CLEC16A: variants seen among roughly 807,000 people sequenced by gnomAD.
CLEC16A encodes protein CLEC16A.
Under a neutral mutation model 109.5 loss-of-function variants are expected in CLEC16A, and 51 were observed. That is an observed-to-expected ratio of 0.47 (90% CI 0.37 to 0.59). The LOEUF is 0.59. CLEC16A is among the 20% of genes least tolerant of loss of function. The pLI is 0.00. For missense variants in CLEC16A, 1,339 were observed against 1,394.0 expected, an observed-to-expected ratio of 0.96 and a Z score of 0.63; for synonymous variants, 673 against 564.2, an observed-to-expected ratio of 1.19 and a Z score of -2.73.
At chr16:11,168,831 G>T (rs2068382587) in intron 23 of CLEC16A, among the ~76,000 whole-genome samples, 1 of 152,278 alleles carries the variant, frequency 6.6e-6, no homozygotes, top group South Asian at 2.1e-4. Flanking sequence ...AGACAGCTTT[G>T]TTGGGATAGG....
intron 19 of CLEC16A, among the ~76,000 whole-genome samples, chr16:11,116,528 A>G (rs974753108): frequency 3.3e-5 from 5 of 152,182 alleles, no homozygotes; most frequent in Non-Finnish European, 5.9e-5. Context: ...GCCTGTAAAG[A>G]CCGAGAGGAC....
At chr16:10,969,419 GCT>G (rs2042672357) in intron 4 of CLEC16A, 110 bp downstream of exon 4, 1 of 683,570 alleles carries the variant, frequency 1.5e-6, no homozygotes, top group Non-Finnish European at 2.3e-6. Flanking sequence ...TGTTTACAAA[GCT>G]CTTATATGCT....
intron 22 of CLEC16A, among the ~76,000 whole-genome samples, chr16:11,133,331 T>G (rs943096209): frequency 6.6e-6 from 1 of 150,740 alleles, no homozygotes; most frequent in Non-Finnish European, 1.5e-5. Context: ...AGAGTGAGAC[T>G]CTGTCTCAAA....
At chr16:11,056,215 G>A (rs1004504600) in intron 18 of CLEC16A, among the ~76,000 whole-genome samples, 6 of 152,148 alleles carry the variant, frequency 3.9e-5, no homozygotes, top group Non-Finnish European at 2.9e-5. Context: ...CCAACCACGG[G>A]TCAAATCCCA....
In CLEC16A at chr16:11,026,885, T is replaced by A. The variant is rs981030727; in HGVS notation, c.1537+1964T>A. The A allele has an allele frequency of 5.7e-6, 4 of 701,742 alleles. No individual in the cohort carries two copies. The African/African-American group carries it at 7.1e-5, about 12-fold the overall frequency. 43.5% of individuals were successfully genotyped at this position (701,742 alleles called of 1,614,324 possible). A position where few individuals can be genotyped will look rare whatever the true frequency, so the allele number is the denominator to read the frequency against. On this transcript the variant is annotated intron_variant, in intron 13 of 23. Coordinates refer to ENST00000409790, the MANE Select transcript of CLEC16A (RefSeq NM_015226.3). ...TGGGGGTTAGCAGGACCTCAATGGC[T>A]CACTATGGCTAAGTGAACGCTGACT...
intron 19 of CLEC16A, among the ~76,000 whole-genome samples, chr16:11,119,265 A>G (rs2052227225): frequency 6.6e-6 from 1 of 152,202 alleles, no homozygotes; most frequent in South Asian, 2.1e-4. Flanking sequence ...GGCCTCCCAG[A>G]GTGCTGGAAT....
intron 19 of CLEC16A, among the ~76,000 whole-genome samples, chr16:11,088,905 T>C (rs181434613): frequency 6.6e-6 from 1 of 152,328 alleles, no homozygotes; most frequent in East Asian, 1.9e-4. Context: ...TAGAAACATA[T>C]TCACATTGTA....
At chr16:11,061,058 GGGGACAT>G (rs145270300) in intron 19 of CLEC16A, 36 bp downstream of exon 19, 10 of 1,573,124 alleles carry the variant, frequency 6.4e-6, no homozygotes, top group East Asian at 2.3e-5. Context: ...CAGGGGGCTG[GGGGACAT>G]GGGACATGGG....
chr16:11,100,277 C>T (rs2050841492), intron 19 of CLEC16A, among the ~76,000 whole-genome samples: 2 of 152,162 alleles, frequency 1.3e-5, no homozygotes, highest in Admixed American at 6.6e-5. Context: ...TCCTACGGTC[C>T]TGCCAAAATC....
intron 2 of CLEC16A, among the ~76,000 whole-genome samples, chr16:10,958,791 C>G (rs546781617): frequency 3.9e-5 from 6 of 152,080 alleles, no homozygotes; most frequent in Admixed American, 3.9e-4. Context: ...GTGTTCCCAG[C>G]TACTCAGAAG....
At chr16:11,073,452 T>C (rs1327060808) in intron 19 of CLEC16A, among the ~76,000 whole-genome samples, 1 of 152,128 alleles carries the variant, frequency 6.6e-6, no homozygotes, top group African/African-American at 2.4e-5. Flanking sequence ...TCCCCCATTC[T>C]ACCCCAGCCC....
intron 13 of CLEC16A, among the ~76,000 whole-genome samples, chr16:11,028,123 G>A (rs1215815883): frequency 6.6e-6 from 1 of 152,160 alleles, no homozygotes; most frequent in Non-Finnish European, 1.5e-5. Context: ...TCGCTCAAAC[G>A]TGGGAGGCGG....
intron 3 of CLEC16A, 84 bp from the exon 4 acceptor site, chr16:10,969,077 T>A: frequency 8.9e-7 from 1 of 1,128,816 alleles, no homozygotes; most frequent in Non-Finnish European, 1.3e-6. Context: ...CTGATTCAAG[T>A]ACATTAACGT....
intron 12 of CLEC16A, among the ~76,000 whole-genome samples, chr16:11,023,489 A>G (rs941585562): frequency 6.6e-6 from 1 of 152,158 alleles, no homozygotes; most frequent in Non-Finnish European, 1.5e-5. Flanking sequence ...GTGGTGCCCC[A>G]TCTGGGGCTG....
intron 22 of CLEC16A, among the ~76,000 whole-genome samples, chr16:11,145,897 C>T (rs138209877): frequency 2.0e-5 from 3 of 152,338 alleles, no homozygotes; most frequent in Admixed American, 1.3e-4. Flanking sequence ...AAAGTCCTCA[C>T]GGTAGCCCCA....
intron 13 of CLEC16A, among the ~76,000 whole-genome samples, chr16:11,032,872 T>TC (rs1239570693): frequency 5.9e-5 from 9 of 152,084 alleles, no homozygotes; most frequent in Non-Finnish European, 1.3e-4. Context: ...GGAATTGCCA[T>TC]TTTTTCTCCA....
At chr16:11,115,403 A>G (rs1456170736) in intron 19 of CLEC16A, among the ~76,000 whole-genome samples, 1 of 152,036 alleles carries the variant, frequency 6.6e-6, no homozygotes, top group Non-Finnish European at 1.5e-5. Context: ...AGGGCTCATC[A>G]CTCTGTCACC....
At chr16:11,159,191 T>G (rs1410239396) in intron 22 of CLEC16A, among the ~76,000 whole-genome samples, 1 of 152,186 alleles carries the variant, frequency 6.6e-6, no homozygotes, top group Non-Finnish European at 1.5e-5. Flanking sequence ...TGCTTTCTGA[T>G]TTGCCCCAGT....
intron 22 of CLEC16A, among the ~76,000 whole-genome samples, chr16:11,164,225 G>A (rs1031869350): frequency 2.0e-5 from 3 of 152,202 alleles, no homozygotes; most frequent in African/African-American, 7.2e-5. Context: ...TGGTGCTCAG[G>A]ATGACCGCCT....
Sources: gnomAD v4.1 joint callset for allele counts (sites outside exome capture counted in the v4.1 genomes callset) on GRCh38, gnomAD v4.1.1 for gene constraint, MANE v1.5 for transcripts, NCBI Gene and HGNC (gene_info 2026-07-23, HGNC 2026-07-21) for gene names.